Variants in UBE2N observed in about 807,000 individuals in gnomAD.
UBE2N encodes the protein ubiquitin conjugating enzyme E2 N.
For missense variants in UBE2N, 60 were observed against 192.1 expected, an observed-to-expected ratio of 0.31 and a Z score of 4.07; for synonymous variants, 70 against 69.2, an observed-to-expected ratio of 1.01 and a Z score of -0.06.
At chr12:93,426,161 T>A (rs377621898) in intron 1 of UBE2N, among the ~76,000 whole-genome samples, 1 of 152,142 alleles carries the variant, frequency 6.6e-6, no homozygotes, top group Non-Finnish European at 1.5e-5. Context: ...GAGGAAATGA[T>A]CCAGACAACT....
intron 1 of UBE2N, among the ~76,000 whole-genome samples, chr12:93,430,429 G>C (rs1385294958): frequency 6.6e-6 from 1 of 152,144 alleles, no homozygotes; most frequent in Non-Finnish European, 1.5e-5. Flanking sequence ...GAGCAGCAAA[G>C]AGTCCCTTCT....
rs1467154334 is a variant in UBE2N, at chr12:93,408,109, A to G, written c.*1930T>C. 1 of 152,224 alleles carries G rather than the reference A, an allele frequency of 6.6e-6. No homozygotes were observed. Among genetic ancestry groups the G allele is most frequent in the East Asian group, 1.9e-4 (1 of 5,200 alleles). The allele number at this position is 152,224 out of a possible 1,614,324, so 9.4% of individuals were successfully genotyped here. ...ACTAGCTATAACCATGAGCAATATT[A>G]CGGGCAGTAAATGTTGATTTCTATT... is the stretch of plus-strand genomic sequence containing the variant. On this transcript the variant is annotated 3_prime_UTR_variant, in exon 4 of 4. Transcript: ENST00000318066.
intron 1 of UBE2N, among the ~76,000 whole-genome samples, chr12:93,434,598 G>C (rs530241268): frequency 1.4e-4 from 21 of 152,256 alleles, no homozygotes; most frequent in Non-Finnish European, 2.9e-4. Context: ...AGTATCTTTA[G>C]AGCCTGAAAG....
Position 93,408,534 on chromosome 12 carries a change from C to A in UBE2N, c.*1505G>T, listed in dbSNP as rs999571951. 2.0e-5 allele frequency: 3 copies of A among 152,054 alleles called. No homozygotes were observed. Among genetic ancestry groups the A allele is most frequent in the Admixed American group, 1.3e-4 (2 of 15,256 alleles). 9.4% of individuals were successfully genotyped at this position (152,054 alleles called of 1,614,324 possible). ...TAAACTGCAAGAGACAAGGTTGCAA[C>A]CCGAAGGTTAACATTTATGTATTTA... On this transcript the variant is annotated 3_prime_UTR_variant, in exon 4 of 4. Coordinates refer to ENST00000318066, the MANE Select transcript of UBE2N (RefSeq NM_003348.4).
At chr12:93,433,782 T>A (rs1878839603) in intron 1 of UBE2N, among the ~76,000 whole-genome samples, 1 of 152,212 alleles carries the variant, frequency 6.6e-6, no homozygotes, top group Non-Finnish European at 1.5e-5. Flanking sequence ...CACATATGCA[T>A]CCATAGTTCA....
At chr12:93,417,617 G>A (rs1262260484) in intron 1 of UBE2N, among the ~76,000 whole-genome samples, 1 of 152,130 alleles carries the variant, frequency 6.6e-6, no homozygotes, top group Non-Finnish European at 1.5e-5. Context: ...TGCAATATAT[G>A]ACCAGTAATA....
intron 1 of UBE2N, among the ~76,000 whole-genome samples, chr12:93,427,200 G>A (rs1409064639): frequency 2.0e-5 from 3 of 152,172 alleles, no homozygotes; most frequent in African/African-American, 4.8e-5. Flanking sequence ...GATTACAGGC[G>A]TGAGCCACCA....
chr12:93,410,134 T>G, intron 3 of UBE2N, 55 bp from the exon 4 acceptor site: 1 of 1,541,606 alleles, frequency 6.5e-7, no homozygotes, highest in Admixed American at 1.7e-5. Flanking sequence ...ATATGTTACT[T>G]TCCAAACTAT....
chr12:93,410,538 A>G, intron 3 of UBE2N, 196 bp downstream of exon 3: 1 of 732,434 alleles, frequency 1.4e-6, no homozygotes, highest in Admixed American at 2.9e-5. Flanking sequence ...AGATCTTTCA[A>G]TTACAGGTTG....
intron 1 of UBE2N, among the ~76,000 whole-genome samples, chr12:93,417,132 A>G (rs963146091): frequency 1.3e-5 from 2 of 152,210 alleles, no homozygotes; most frequent in African/African-American, 4.8e-5. Flanking sequence ...TATGGATTTA[A>G]ATGTCCACAA....
chr12:93,440,089 G>A (rs186244239), intron 1 of UBE2N, among the ~76,000 whole-genome samples: 17 of 152,264 alleles, frequency 1.1e-4, no homozygotes, highest in Non-Finnish European at 2.2e-4. Context: ...AGAAAAATGC[G>A]TGTTAAATGT....
intron 1 of UBE2N, among the ~76,000 whole-genome samples, chr12:93,427,422 T>C (rs1565796236): frequency 6.6e-6 from 1 of 152,250 alleles, no homozygotes; most frequent in Non-Finnish European, 1.5e-5. Context: ...GTAAAATATT[T>C]ACAAAGGAAT....
chr12:93,438,115 A>G (rs1878988916), intron 1 of UBE2N, among the ~76,000 whole-genome samples: 1 of 152,246 alleles, frequency 6.6e-6, no homozygotes, highest in African/African-American at 2.4e-5. Flanking sequence ...TCATCTATTC[A>G]GTTAGTCTAT....
rs1013105543 is a variant in UBE2N at position 93,407,321 on chromosome 12, C to T, written c.*2718G>A. The T allele has an allele frequency of 2.0e-5, 3 of 152,250 alleles. No individual in the cohort carries two copies. The highest frequency in any genetic ancestry group is 4.4e-5 in the Non-Finnish European group (3 of 68,084). The allele number at this position is 152,250 out of a possible 1,614,324, so 9.4% of individuals were successfully genotyped here. A position where few individuals can be genotyped will look rare whatever the true frequency, so the allele number is the denominator to read the frequency against. On this transcript the variant is annotated 3_prime_UTR_variant, in exon 4 of 4. Transcript: ENST00000318066. ...AGAGTTACAACTATTTGTCTGTCCC[C>T]CTTCCCCATTAGAGTATATGGTCCC... is the stretch of plus-strand genomic sequence containing the variant.
chr12:93,440,299 G>A (rs1035139660), intron 1 of UBE2N, among the ~76,000 whole-genome samples: 2 of 152,042 alleles, frequency 1.3e-5, no homozygotes, highest in Non-Finnish European at 2.9e-5. Context: ...ACGTTGTACG[G>A]ACCTGCCAAT....
At chr12:93,434,878 C>T (rs1386284971) in intron 1 of UBE2N, among the ~76,000 whole-genome samples, 1 of 151,552 alleles carries the variant, frequency 6.6e-6, no homozygotes, top group African/African-American at 2.4e-5. Flanking sequence ...CTGTCTTCAT[C>T]ATAATGAGTT....
intron 1 of UBE2N, among the ~76,000 whole-genome samples, chr12:93,414,247 C>T (rs535136230): frequency 1.5e-3 from 220 of 151,606 alleles, no homozygotes; most frequent in Non-Finnish European, 2.3e-3. Context: ...GTCAGGAGTT[C>T]GAGACCAGCC....
intron 1 of UBE2N, among the ~76,000 whole-genome samples, chr12:93,413,486 C>T (rs1424712713): frequency 3.3e-5 from 5 of 152,060 alleles, no homozygotes; most frequent in Non-Finnish European, 5.9e-5. Flanking sequence ...CTCATCGTGC[C>T]TCTTGCCTCT....
intron 1 of UBE2N, among the ~76,000 whole-genome samples, chr12:93,428,833 T>G (rs1469783176): frequency 6.6e-6 from 1 of 152,220 alleles, no homozygotes; most frequent in African/African-American, 2.4e-5. Flanking sequence ...CCAATTAAAC[T>G]AGGAGAAGAA....
Sources: allele counts gnomAD v4.1 joint callset (sites outside exome capture counted in the v4.1 genomes callset), GRCh38; gene constraint gnomAD v4.1.1; transcripts MANE v1.5; gene names NCBI Gene and HGNC (gene_info 2026-07-23, HGNC 2026-07-21).